FBXL2: variants seen among roughly 807,000 people sequenced by gnomAD.
FBXL2 encodes F-box and leucine rich repeat protein 2.
In FBXL2, 38 loss-of-function variants were observed where a neutral mutation model predicts 69.2. The ratio of observed to expected loss-of-function variants is 0.55; its 90% CI spans 0.42 to 0.72. FBXL2 has a LOEUF of 0.72. Among genes scored for constraint, FBXL2 ranks in the 30% least tolerant of loss-of-function variants. FBXL2 has a pLI of 0.00. For synonymous variants in FBXL2, 192 were observed against 201.3 expected (o/e 0.95, Z 0.39); for missense variants, 354 against 520.3 (o/e 0.68, Z 3.11).
At chr3:33,409,604 A>G in the FBXL2 span, 1 of 1,614,172 alleles carries the variant, frequency 6.2e-7, no homozygotes, top group Non-Finnish European at 8.5e-7. Flanking sequence ...CAGTGTACCT[A>G]TAAAACGATT....
chr3:33,362,913 A>G (rs1212196897), intron 4 of FBXL2, among the ~76,000 whole-genome samples: 1 of 152,018 alleles, frequency 6.6e-6, no homozygotes, highest in African/African-American at 2.4e-5. Flanking sequence ...TTTGCTTCAA[A>G]AAATATTAAT....
intron 5 of FBXL2, among the ~76,000 whole-genome samples, chr3:33,371,884 A>G (rs765550862): frequency 6.6e-5 from 10 of 152,120 alleles, no homozygotes; most frequent in Non-Finnish European, 1.0e-4. Context: ...GCCACTCCTA[A>G]AGGAAGACTA....
At chr3:33,381,075 A>AT (rs2043021051) in intron 13 of FBXL2, among the ~76,000 whole-genome samples, 1 of 152,182 alleles carries the variant, frequency 6.6e-6, no homozygotes, top group Non-Finnish European at 1.5e-5. Flanking sequence ...TTGGCAGCGG[A>AT]TTTTCCTGTT....
chr3:33,359,028 T>TTAAAA lies in FBXL2; in HGVS notation c.120+7_120+8insTAAAA. The TTAAAA allele has an allele frequency of 6.6e-7, 1 of 1,514,922 alleles. No homozygotes were observed. Among genetic ancestry groups the TTAAAA allele is most frequent in the Non-Finnish European group, 8.9e-7 (1 of 1,122,820 alleles). The allele number at this position is 1,514,922 out of a possible 1,614,324, so 93.8% of individuals were successfully genotyped here. A position where few individuals can be genotyped will look rare whatever the true frequency, so the allele number is the denominator to read the frequency against. ...ATGTGCACAGATTTCCAAGGTAGAG[T>TTAAAA]ATTCACCAGATTTTTTAATCAATAA... On this transcript the variant is annotated splice_region_variant and intron_variant, in intron 3 of 14. Coordinates refer to ENST00000484457, the MANE Select transcript of FBXL2 (RefSeq NM_012157.5).
At chr3:33,377,402 G>T (rs2042712752) in intron 11 of FBXL2, 69 bp downstream of exon 11, 1 of 1,493,422 alleles carries the variant, frequency 6.7e-7, no homozygotes. Context: ...GACTTGGAGT[G>T]GTTTTGGGTG....
At chr3:33,393,594 T>A in intron 12 of FBXL2, 1 of 720,642 alleles carries the variant, frequency 1.4e-6, no homozygotes, top group East Asian at 3.1e-5. Flanking sequence ...GGGAATAAAC[T>A]ATTTCTTTCC....
chr3:33,373,727 G>GT (rs775992939), intron 8 of FBXL2, 23 bp downstream of exon 8: 7 of 1,614,168 alleles, frequency 4.3e-6, no homozygotes, highest in Non-Finnish European at 5.9e-6. Flanking sequence ...TGATACAGCT[G>GT]TTTGTGTTAT....
intron 14 of FBXL2, among the ~76,000 whole-genome samples, chr3:33,384,949 A>G (rs1209833349): frequency 6.6e-6 from 1 of 151,998 alleles, no homozygotes; most frequent in East Asian, 1.9e-4. Context: ...AATCGCTTGA[A>G]CCCGGGAGGT....
At position 33,277,527 on chromosome 3, in the gene FBXL2, A is replaced by G; in HGVS notation, c.3+12A>G. On this transcript the variant is annotated intron_variant, in intron 1 of 14. Transcript: ENST00000484457. ...GCTCTTCGGCCATGGTGAGTCTGGG[A>G]CCCGCGTCTGCCTAGCTGCCCCGCC... is the stretch of plus-strand genomic sequence containing the variant. 1 of 1,294,626 alleles carries G rather than the reference A, an allele frequency of 7.7e-7. No homozygotes were observed. Among genetic ancestry groups the G allele is most frequent in the Non-Finnish European group, 9.9e-7 (1 of 1,013,388 alleles). 80.2% of individuals were successfully genotyped at this position (1,294,626 alleles called of 1,614,324 possible).
rs1372016204 is a variant in FBXL2 at position 33,387,207 on chromosome 3, G to A, written c.*1599G>A. ...TATACCCACTGTTTGTTGTGGAAGA[G>A]ATGATGGGGGAGGAGGACTGATGCA... On this transcript the variant is annotated 3_prime_UTR_variant, in exon 15 of 15. Transcript: ENST00000484457. 2.6e-5 allele frequency: 4 copies of A among 152,200 alleles called. No individual in the cohort carries two copies. Among genetic ancestry groups the A allele is most frequent in the Non-Finnish European group, 4.4e-5 (3 of 68,042 alleles). The allele number at this position is 152,200 out of a possible 1,614,324, so 9.4% of individuals were successfully genotyped here. A position where few individuals can be genotyped will look rare whatever the true frequency, so the allele number is the denominator to read the frequency against.
chr3:33,360,330 G>T (rs1336553531), intron 4 of FBXL2, among the ~76,000 whole-genome samples: 1 of 152,070 alleles, frequency 6.6e-6, no homozygotes, highest in African/African-American at 2.4e-5. Flanking sequence ...TAATGATCTA[G>T]GTCAGTTGTG....
At chr3:33,365,588 A>G (rs1190354120) in intron 5 of FBXL2, among the ~76,000 whole-genome samples, 1 of 152,124 alleles carries the variant, frequency 6.6e-6, no homozygotes, top group African/African-American at 2.4e-5. Context: ...AATGTTATCA[A>G]TGCTAAGGAT....
chr3:33,281,613 T>A (rs971292394), intron 1 of FBXL2, among the ~76,000 whole-genome samples: 2 of 152,208 alleles, frequency 1.3e-5, no homozygotes, highest in African/African-American at 4.8e-5. Context: ...CCTTGAGGAA[T>A]CGCCGCACTG....
At chr3:33,400,643 G>A (rs1299190284) in intron 12 of FBXL2, among the ~76,000 whole-genome samples, 1 of 152,006 alleles carries the variant, frequency 6.6e-6, no homozygotes, top group Non-Finnish European at 1.5e-5. Flanking sequence ...GGAGAGAGTG[G>A]AAAAATAGGT....
At chr3:33,381,107 CCT>C (rs1426825768) in intron 13 of FBXL2, among the ~76,000 whole-genome samples, 3 of 152,168 alleles carry the variant, frequency 2.0e-5, no homozygotes, top group South Asian at 4.2e-4. Flanking sequence ...GGTCAAGCAC[CCT>C]CTGATTTTCC....
At chr3:33,412,747 G>A in the FBXL2 span, 1 of 1,613,672 alleles carries the variant, frequency 6.2e-7, no homozygotes, top group African/African-American at 1.3e-5. Flanking sequence ...TGTCTCCTGG[G>A]CGATTCCACT....
intron 2 of FBXL2, among the ~76,000 whole-genome samples, chr3:33,342,090 C>T (rs1242639769): frequency 2.0e-5 from 3 of 148,862 alleles, no homozygotes; most frequent in South Asian, 2.1e-4. Context: ...CTGCAAGCTC[C>T]GCCTTCCAGG....
intron 2 of FBXL2, among the ~76,000 whole-genome samples, chr3:33,345,747 A>G (rs2040383771): frequency 6.6e-6 from 1 of 152,210 alleles, no homozygotes. Context: ...AAAGCCAAAA[A>G]TTCCCAAAAT....
At chr3:33,302,740 T>C (rs2036398126) in intron 2 of FBXL2, among the ~76,000 whole-genome samples, 1 of 152,216 alleles carries the variant, frequency 6.6e-6, no homozygotes, top group African/African-American at 2.4e-5. Flanking sequence ...ATTTATTGGC[T>C]TGATAAAGGA....
Sources: allele counts gnomAD v4.1 joint callset (sites outside exome capture counted in the v4.1 genomes callset), GRCh38; gene constraint gnomAD v4.1.1; transcripts MANE v1.5; gene names NCBI Gene and HGNC (gene_info 2026-07-23, HGNC 2026-07-21).